The following ZMYND8 variants were observed in gnomAD, a reference collection of about 807,000 sequenced individuals.
ZMYND8 encodes the protein zinc finger MYND-type containing 8.
In ZMYND8, 37 loss-of-function variants were observed where a neutral mutation model predicts 140.8. That is an observed-to-expected ratio of 0.26 (90% CI 0.20 to 0.35). The LOEUF is 0.35. ZMYND8 is among the 10% of genes least tolerant of loss of function. ZMYND8 has a pLI of 1.00. For missense variants in ZMYND8, 1,068 were observed against 1,570.0 expected (o/e 0.68, Z 5.40); for synonymous variants, 592 against 597.1 (o/e 0.99, Z 0.12).
At chr20:47,227,302 G>A (rs1124178) in intron 17 of ZMYND8, 21 bp from the exon 18 acceptor site, 216,783 of 1,612,956 alleles carry the variant, frequency 0.13, 15,158 homozygotes, top group South Asian at 0.16. Flanking sequence ...GAGAGTGAGC[G>A]TCTTCAAAAG....
At chr20:47,211,263 A>G (rs546829688) in intron 22 of ZMYND8, among the ~76,000 whole-genome samples, 2 of 152,198 alleles carry the variant, frequency 1.3e-5, no homozygotes, top group East Asian at 3.9e-4. Flanking sequence ...TTCTGGGTCC[A>G]ACCTTGGCCC....
At position 47,210,214 on chromosome 20, in the gene ZMYND8, C is replaced by T. The variant is rs1490190073; in HGVS notation, c.*547G>A. ...AACGGCTTGATGGGATAGTCTGTGC[C>T]GAAACTCCCGATCCCAACATGCTGC... On this transcript the variant is annotated 3_prime_UTR_variant, in exon 23 of 23. Transcript: ENST00000471951. 1 of 153,268 alleles carries T rather than the reference C, an allele frequency of 6.5e-6. No individual in the cohort carries two copies. The highest frequency in any genetic ancestry group is 1.5e-5 in the Non-Finnish European group (1 of 68,554). 9.5% of individuals were successfully genotyped at this position (153,268 alleles called of 1,614,324 possible).
intron 2 of ZMYND8, among the ~76,000 whole-genome samples, chr20:47,326,508 G>T (rs1012153280): frequency 6.6e-6 from 1 of 152,110 alleles, no homozygotes; most frequent in Non-Finnish European, 1.5e-5. Context: ...TTCCCTTCTA[G>T]GAGACCCGCC....
rs768213951 is a variant in ZMYND8 at position 47,246,009 on chromosome 20, A to G, written c.2283T>C (p.Asp761=). 5 of 1,588,916 alleles carry G rather than the reference A, an allele frequency of 3.1e-6. No individual in the cohort carries two copies. Among genetic ancestry groups the G allele is most frequent in the Non-Finnish European group, 3.4e-6 (4 of 1,170,224 alleles). Residue 761 remains aspartate, a splice_region_variant and synonymous_variant, in exon 14 of 23, where the codon GAT becomes GAC. Coordinates refer to ENST00000471951, the MANE Select transcript of ZMYND8 (RefSeq NM_001281775.3). ...KEPKEPSPKQ[D]VVGKTPPSTT... ...CTGGAAACAGATACAATCACTTACC[A>G]TCCTGTTTGGGAGATGGTTCTTTGG...
chr20:47,261,445 A>C (rs1410929127), intron 12 of ZMYND8, among the ~76,000 whole-genome samples: 1 of 152,040 alleles, frequency 6.6e-6, no homozygotes, highest in African/African-American at 2.4e-5. Context: ...AGGGTGAGGC[A>C]GGAAATAGCT....
At chr20:47,289,156 T>G (rs562636573) in intron 7 of ZMYND8, among the ~76,000 whole-genome samples, 1 of 152,128 alleles carries the variant, frequency 6.6e-6, no homozygotes, top group African/African-American at 2.4e-5. Flanking sequence ...AATATCTGAA[T>G]AGATGTTTAC....
intron 11 of ZMYND8, 121 bp from the exon 12 acceptor site, chr20:47,262,549 A>G: frequency 7.4e-7 from 1 of 1,358,624 alleles, no homozygotes; most frequent in Non-Finnish European, 1.0e-6. Flanking sequence ...CAAGGCCGCT[A>G]CAGTATCACG....
chr20:47,351,517 T>G (rs1212696368), intron 1 of ZMYND8, among the ~76,000 whole-genome samples: 1 of 152,206 alleles, frequency 6.6e-6, no homozygotes, highest in African/African-American at 2.4e-5. Flanking sequence ...GTTTTTACTT[T>G]TCATTCAAAA....
Position 47,342,718 on chromosome 20 carries a change from T to C in ZMYND8, c.85+5138A>G, listed in dbSNP as rs538410125. On this transcript the variant is annotated intron_variant, in intron 2 of 22. Coordinates refer to ENST00000471951, the MANE Select transcript of ZMYND8 (RefSeq NM_001281775.3). ...AAAAAATTAGCCGGGCATGGTGACA[T>C]GTGCCTGTAATCCCAGCTACTATGG... Among the ~76,000 whole-genome samples the C allele has an allele frequency of 2.7e-5, 4 of 150,824 alleles. No homozygotes were observed. The South Asian group carries it at 8.4e-4, about 32-fold the overall frequency.
chr20:47,355,349 C>T (rs1429366681), intron 1 of ZMYND8: 8 of 676,900 alleles, frequency 1.2e-5, no homozygotes, highest in African/African-American at 2.0e-5. Flanking sequence ...GCTAATGAAG[C>T]CCCCAACTCC....
chr20:47,356,333 G>GAAAAA, intron 1 of ZMYND8: 1 of 1,046,608 alleles, frequency 9.6e-7, no homozygotes, highest in Admixed American at 3.5e-5. Flanking sequence ...AAGAGGGAAA[G>GAAAAA]AAAAAAAAAA....
intron 11 of ZMYND8, among the ~76,000 whole-genome samples, chr20:47,262,887 T>C (rs984016241): frequency 6.6e-6 from 1 of 152,130 alleles, no homozygotes; most frequent in African/African-American, 2.4e-5. Context: ...AGGGACCAAC[T>C]TGGCCCCTTG....
intron 2 of ZMYND8, among the ~76,000 whole-genome samples, chr20:47,344,021 G>A (rs2082138085): frequency 7.0e-6 from 1 of 142,788 alleles, no homozygotes; most frequent in South Asian, 2.2e-4. Context: ...CTGGAGTGCA[G>A]TGGCATGGTC....
rs546602734 is a variant in ZMYND8, at chr20:47,209,651, C to G, written c.*1110G>C. On this transcript the variant is annotated 3_prime_UTR_variant, in exon 23 of 23. Coordinates refer to ENST00000471951, the MANE Select transcript of ZMYND8 (RefSeq NM_001281775.3). ...GGAATGATATCGTACAATTAATTTTCTCATATACATACATCACCTTTTGCT... is the reference window on the plus strand; with the variant it reads ...GGAATGATATCGTACAATTAATTTTGTCATATACATACATCACCTTTTGCT... The G allele has an allele frequency of 6.6e-6, 1 of 152,626 alleles. No individual in the cohort carries two copies. Among genetic ancestry groups the G allele is most frequent in the African/African-American group, 2.4e-5 (1 of 41,456 alleles). 9.5% of individuals were successfully genotyped at this position (152,626 alleles called of 1,614,324 possible). A position where few individuals can be genotyped will look rare whatever the true frequency, so the allele number is the denominator to read the frequency against.
intron 10 of ZMYND8, among the ~76,000 whole-genome samples, chr20:47,277,239 A>G (rs2076310172): frequency 1.3e-5 from 2 of 152,400 alleles, no homozygotes; most frequent in South Asian, 4.1e-4. Context: ...AAAAGGAGGT[A>G]CATGTTTTTG....
At chr20:47,260,093 TTC>T (rs756773722) in intron 12 of ZMYND8, among the ~76,000 whole-genome samples, 1 of 152,144 alleles carries the variant, frequency 6.6e-6, no homozygotes, top group Non-Finnish European at 1.5e-5. Flanking sequence ...AATCTAGAAA[TTC>T]TCTGTTGGGG....
intron 2 of ZMYND8, among the ~76,000 whole-genome samples, chr20:47,339,541 A>G (rs950126280): frequency 6.6e-6 from 1 of 151,720 alleles, no homozygotes; most frequent in Non-Finnish European, 1.5e-5. Flanking sequence ...CAGTGGCGCA[A>G]TCTCTGCTCA....
chr20:47,341,087 A>C (rs574977615), intron 2 of ZMYND8, among the ~76,000 whole-genome samples: 23 of 152,370 alleles, frequency 1.5e-4, no homozygotes, highest in Admixed American at 2.0e-4. Context: ...AGGAGGTTAC[A>C]GAGAAACCAG....
At chr20:47,341,148 GA>G (rs2081843088) in intron 2 of ZMYND8, among the ~76,000 whole-genome samples, 1 of 152,180 alleles carries the variant, frequency 6.6e-6, no homozygotes, top group Non-Finnish European at 1.5e-5. Context: ...TCAAACGAGA[GA>G]ATGAACTCAT....
Sources: gnomAD v4.1 joint callset for allele counts (sites outside exome capture counted in the v4.1 genomes callset) on GRCh38, gnomAD v4.1.1 for gene constraint, MANE v1.5 for transcripts, NCBI Gene and HGNC (gene_info 2026-07-23, HGNC 2026-07-21) for gene names.